Variants in OSBPL5 observed in about 807,000 individuals in gnomAD.
The protein encoded by OSBPL5 is oxysterol-binding protein-related protein 5.
OSBPL5 carries 71 observed loss-of-function variants against 111.2 expected under a neutral mutation model. The observed-to-expected ratio is 0.64, with a 90% confidence interval of 0.53 to 0.78. OSBPL5 has a LOEUF of 0.78. Among genes scored for constraint, OSBPL5 ranks in the 30% least tolerant of loss-of-function variants. The pLI is 0.00. For synonymous variants in OSBPL5, 549 were observed against 513.9 expected (o/e 1.07, Z -0.93); for missense variants, 1,210 against 1,189.3 (o/e 1.02, Z -0.26).
At chr11:3,108,773 G>C (rs959964022) in intron 7 of OSBPL5, among the ~76,000 whole-genome samples, 2 of 43,030 alleles carry the variant, frequency 4.6e-5, no homozygotes, top group Admixed American at 3.9e-4. Context: ...TAAGGTTTTT[G>C]TTTGTTTGTT....
chr11:3,093,011 T>C lies in OSBPL5; in HGVS notation c.1988A>G (p.Gln663Arg), dbSNP rs202060493. The C allele has an allele frequency of 1.9e-6, 3 of 1,602,344 alleles. No individual in the cohort carries two copies. Among genetic ancestry groups the C allele is most frequent in the South Asian group, 2.2e-5 (2 of 89,174 alleles). ...HVTRAISKGD[Q>R]HRATQEKFAL... ...AAACTTCTCCTGTGTGGCCCTGTGCTGGTCGCCCTTGCTGATGGCCCTGGT... is the reference window on the plus strand; with the variant it reads ...AAACTTCTCCTGTGTGGCCCTGTGCCGGTCGCCCTTGCTGATGGCCCTGGT... The change falls in exon 18 of 22, where the codon CAG becomes CGG. Residue 663 changes from glutamine (Q) to arginine (R), a missense_variant. Coordinates refer to ENST00000263650, the MANE Select transcript of OSBPL5 (RefSeq NM_020896.4).
At position 3,140,015 on chromosome 11, in the gene OSBPL5, T is replaced by C. The variant is rs1846057577; in HGVS notation, c.-21-10846A>G. On this transcript the variant is annotated intron_variant, in intron 1 of 21. Transcript: ENST00000263650. This position sits in a 1 kb window ranked among gnomAD's most constrained non-coding sequence, Gnocchi z 4.5. ...GCTCTGAGAAGCCAGCCTCACAAGA[T>C]CATTCATCGCAAGCTCTGGGCCCAC... Among the ~76,000 whole-genome samples the C allele has an allele frequency of 6.6e-6, 1 of 152,156 alleles. No homozygotes were observed. Among genetic ancestry groups the C allele is most frequent in the African/African-American group, 2.4e-5 (1 of 41,448 alleles).
chr11:3,121,969 G>A lies in OSBPL5; in HGVS notation c.402+28C>T. 1 of 1,536,518 alleles carries A rather than the reference G, an allele frequency of 6.5e-7. No individual in the cohort carries two copies. Among genetic ancestry groups the A allele is most frequent in the East Asian group, 2.4e-5 (1 of 41,402 alleles). On this transcript the variant is annotated intron_variant, in intron 5 of 21. Coordinates refer to ENST00000263650, the MANE Select transcript of OSBPL5 (RefSeq NM_020896.4). This position sits in a 1 kb window ranked among gnomAD's most constrained non-coding sequence, Gnocchi z 4.3. ...GCAGCAGCACGCTGACCCGTGTCCT[G>A]GGTGGCCGGAGGCCGGGCATCACCT...
At chr11:3,120,347 C>T in intron 6 of OSBPL5, 74 bp downstream of exon 6, 2 of 1,531,476 alleles carry the variant, frequency 1.3e-6, no homozygotes, top group South Asian at 2.4e-5. Context: ...TGGCTCCACC[C>T]TCCACCAGGG....
In OSBPL5 at chr11:3,100,711, A is replaced by G. The variant is rs114318363; in HGVS notation, c.1523-455T>C. ...CTGGGACCCCCTCCCAGACTTCCAC[A>G]CACCCAGCAGAGAGCCGAGCACACA... On this transcript the variant is annotated intron_variant, in intron 13 of 21. Transcript: ENST00000263650. Among the ~76,000 whole-genome samples the G allele has an allele frequency of 1.5e-3, 228 of 152,220 alleles. 1 individual carries two copies. The highest frequency in any genetic ancestry group is 5.1e-3 in the African/African-American group (211 of 41,518).
intron 1 of OSBPL5, among the ~76,000 whole-genome samples, chr11:3,153,813 G>A (rs1846664555): frequency 6.6e-6 from 1 of 152,378 alleles, no homozygotes; most frequent in African/African-American, 2.4e-5. Context: ...GGCTGCGGGT[G>A]ACGGGTGGGT....
At chr11:3,137,021 G>A (rs1845967126) in intron 1 of OSBPL5, among the ~76,000 whole-genome samples, 1 of 152,230 alleles carries the variant, frequency 6.6e-6, no homozygotes, top group Non-Finnish European at 1.5e-5. Context: ...AGAGGTCAGT[G>A]GGTCCCAAGG....
At position 3,104,989 on chromosome 11, in the gene OSBPL5, C is replaced by G. The variant is rs912172398; in HGVS notation, c.1060-612G>C. Among the ~76,000 whole-genome samples the G allele has an allele frequency of 6.6e-6, 1 of 152,282 alleles. No homozygotes were observed. Among genetic ancestry groups the G allele is most frequent in the South Asian group, 2.1e-4 (1 of 4,830 alleles). On this transcript the variant is annotated intron_variant, in intron 9 of 21. Coordinates refer to ENST00000263650, the MANE Select transcript of OSBPL5 (RefSeq NM_020896.4). The surrounding 1 kb of genome is among the most constrained non-coding windows in gnomAD (Gnocchi z 5.0). Reference sequence around the variant, plus strand: ...ACTTCCGAAGCCTGTGTGCCCCTCACGAAGGCCCCCTCATCTCTTCCTTTT... The same window carrying G: ...ACTTCCGAAGCCTGTGTGCCCCTCAGGAAGGCCCCCTCATCTCTTCCTTTT...
In OSBPL5 at chr11:3,121,326, G is replaced by C. The variant is rs1301810394; in HGVS notation, c.402+671C>G. On this transcript the variant is annotated intron_variant, in intron 5 of 21. Transcript: ENST00000263650. This position sits in a 1 kb window ranked among gnomAD's most constrained non-coding sequence, Gnocchi z 4.3. ...ACCCGCCTTAGCCTCCCAAAGTGTT[G>C]GGATTACAGGTGTGAGCCACTGCAC... Among the ~76,000 whole-genome samples the C allele has an allele frequency of 6.6e-6, 1 of 152,134 alleles. No homozygotes were observed. Among genetic ancestry groups the C allele is most frequent in the Non-Finnish European group, 1.5e-5 (1 of 68,026 alleles).
chr11:3,093,405 G>C, intron 17 of OSBPL5, 122 bp downstream of exon 17: 2 of 1,432,478 alleles, frequency 1.4e-6, no homozygotes, highest in African/African-American at 1.4e-5. Context: ...GGTGCACCAG[G>C]CCTGCCCTCC....
chr11:3,120,618 C>T lies in OSBPL5; in HGVS notation c.409G>A (p.Gly137Ser), dbSNP rs140729160. The T allele has an allele frequency of 6.2e-5, 100 of 1,612,336 alleles. No homozygotes were observed. The highest frequency in any genetic ancestry group is 7.8e-5 in the Non-Finnish European group (92 of 1,179,926). Residue 137 changes from glycine to serine, a missense_variant, in exon 6 of 22, where the codon GGC (glycine) becomes AGC (serine). Coordinates refer to ENST00000263650, the MANE Select transcript of OSBPL5 (RefSeq NM_020896.4). ...VIMADSLKIR[G>S]TLKSWTKLWC... Reference sequence around the variant, plus strand: ...AGCTTGGTCCAGCTCTTCAGGGTGCCGCGGATCTGCAGGGAGGATGCTGGC... The same window carrying T: ...AGCTTGGTCCAGCTCTTCAGGGTGCTGCGGATCTGCAGGGAGGATGCTGGC...
intron 14 of OSBPL5, chr11:3,094,623 G>T: frequency 2.4e-6 from 1 of 414,584 alleles, no homozygotes; most frequent in Non-Finnish European, 4.5e-6. Flanking sequence ...CCACTAAGGG[G>T]GCTCTGTCCT....
At chr11:3,101,233 C>G in intron 13 of OSBPL5, among the ~76,000 whole-genome samples, 1 of 151,414 alleles carries the variant, frequency 6.6e-6, no homozygotes, top group African/African-American at 2.4e-5. Flanking sequence ...CCTCGGCCTC[C>G]CAAAGTGCTG....
rs1449671438 is a variant in OSBPL5 at position 3,129,150 on chromosome 11, C to A, written c.-2G>T. The A allele has an allele frequency of 7.0e-7, 1 of 1,435,526 alleles. No homozygotes were observed. Among genetic ancestry groups the A allele is most frequent in the East Asian group, 2.9e-5 (1 of 34,998 alleles). 88.9% of individuals were successfully genotyped at this position (1,435,526 alleles called of 1,614,324 possible). On this transcript the variant is annotated 5_prime_UTR_variant, in exon 2 of 22. Coordinates refer to ENST00000263650, the MANE Select transcript of OSBPL5 (RefSeq NM_020896.4). ...CCGGAGGAAGGCCTCCTCCTTCATGCTGTGGGCGCTCGGGGGCTTCTGGAA... is the reference window on the plus strand; with the variant it reads ...CCGGAGGAAGGCCTCCTCCTTCATGATGTGGGCGCTCGGGGGCTTCTGGAA...
rs1233913732 is a variant in OSBPL5, at chr11:3,105,439, G to A, written c.1060-1062C>T. Among the ~76,000 whole-genome samples the A allele has an allele frequency of 6.6e-6, 1 of 152,176 alleles. No homozygotes were observed. The highest frequency in any genetic ancestry group is 1.5e-5 in the Non-Finnish European group (1 of 68,022). On this transcript the variant is annotated intron_variant, in intron 9 of 21. Coordinates refer to ENST00000263650, the MANE Select transcript of OSBPL5 (RefSeq NM_020896.4). The surrounding 1 kb of genome is among the most constrained non-coding windows in gnomAD (Gnocchi z 5.2). ...GTCTGACCCCATGAGGGGTCATGGG[G>A]AGCCCAGTGCTGTAGCTTTGGGGCT...
Position 3,107,900 on chromosome 11 carries a change from C to G in OSBPL5, c.737G>C (p.Ser246Thr). 6.2e-7 allele frequency: 1 copy of G among 1,603,850 alleles called. No individual in the cohort carries two copies. The highest frequency in any genetic ancestry group is 1.1e-5 in the South Asian group (1 of 91,060). The change falls in exon 8 of 22, where the codon AGC becomes ACC. Residue 246 changes from serine to threonine, a missense_variant. Ser to Thr is a moderately conservative substitution (Grantham distance 58). Transcript: ENST00000263650. This position sits in a 1 kb window ranked among gnomAD's most constrained non-coding sequence, Gnocchi z 6.1. ...DALELALRCS[S>T]LLRLGTCKPG... Reference sequence around the variant, plus strand: ...CTTGCAGGTGCCCAGTCTCAGTAGGCTAGAGCAGCGCAGGGCCAGCTCCAG... The same window carrying G: ...CTTGCAGGTGCCCAGTCTCAGTAGGGTAGAGCAGCGCAGGGCCAGCTCCAG...
intron 7 of OSBPL5, 144 bp from the exon 8 acceptor site, chr11:3,108,089 A>T (rs1857777080): frequency 2.9e-6 from 3 of 1,048,572 alleles, no homozygotes; most frequent in Non-Finnish European, 1.3e-6. Flanking sequence ...GCCCTGCCCC[A>T]GCAGGGACAT....
chr11:3,130,378 C>T lies in OSBPL5; in HGVS notation c.-21-1209G>A, dbSNP rs556679512. On this transcript the variant is annotated intron_variant, in intron 1 of 21. Transcript: ENST00000263650. This position sits in a 1 kb window ranked among gnomAD's most constrained non-coding sequence, Gnocchi z 4.5. Reference sequence around the variant, plus strand: ...CCTGCCAAGCCCGGGACAAAGGCCTCGATTTCTCCCATGGTCCTGGGCTTT... The same window carrying T: ...CCTGCCAAGCCCGGGACAAAGGCCTTGATTTCTCCCATGGTCCTGGGCTTT... Among the ~76,000 whole-genome samples, 18 of 152,282 alleles carry T rather than the reference C, an allele frequency of 1.2e-4. No individual in the cohort carries two copies. Among genetic ancestry groups the T allele is most frequent in the Middle Eastern group, 3.4e-3 (1 of 294 alleles).
chr11:3,107,454 G>A lies in OSBPL5; in HGVS notation c.868C>T (p.Leu290=), dbSNP rs1293596400. 4 of 1,613,824 alleles carry A rather than the reference G, an allele frequency of 2.5e-6. No individual in the cohort carries two copies. The highest frequency in any genetic ancestry group is 3.4e-6 in the Non-Finnish European group (4 of 1,179,904). Reference sequence around the variant, plus strand: ...TCGTTCTCCAGGGAAGACCCGTTCAGTCTGGAAGGTGGATGGTGCCAGTGG... The same window carrying A: ...TCGTTCTCCAGGGAAGACCCGTTCAATCTGGAAGGTGGATGGTGCCAGTGG... ...TVHPDQDLFP[L]NGSSLENDAF... The change falls in exon 9 of 22, where the codon CTG becomes TTG. Residue 290 remains leucine (L), a splice_region_variant and synonymous_variant. Transcript: ENST00000263650. The surrounding 1 kb of genome is among the most constrained non-coding windows in gnomAD (Gnocchi z 6.1).
Sources: gnomAD v4.1 joint callset for allele counts (sites outside exome capture counted in the v4.1 genomes callset) on GRCh38, gnomAD v4.1.1 for gene constraint, Gnocchi (gnomAD v3.1) non-coding constraint, MANE v1.5 for transcripts, NCBI Gene and HGNC (gene_info 2026-07-23, HGNC 2026-07-21) for gene names.